FRRS1L: variants seen among roughly 807,000 people sequenced by gnomAD.
FRRS1L encodes the protein DOMON domain-containing protein FRRS1L.
A neutral mutation model predicts 28.6 loss-of-function variants in FRRS1L; 22 were observed. The ratio of observed to expected loss-of-function variants is 0.77; its 90% CI spans 0.55 to 1.10. The LOEUF is 1.10. Among genes scored for constraint, FRRS1L ranks in the 50% least tolerant of loss-of-function variants. The pLI, the probability that FRRS1L is intolerant of heterozygous loss-of-function variation, is 0.00. For missense variants in FRRS1L, 380 were observed against 386.9 expected, an observed-to-expected ratio of 0.98 and a Z score of 0.15; for synonymous variants, 158 against 151.4, an observed-to-expected ratio of 1.04 and a Z score of -0.32.
intron 2 of FRRS1L, chr9:109,147,390 G>C (rs1831277396): frequency 1.1e-5 from 6 of 543,616 alleles, no homozygotes; most frequent in Non-Finnish European, 1.9e-5. Flanking sequence ...CACAAGAACT[G>C]CAGTCCTGAG....
intron 3 of FRRS1L, among the ~76,000 whole-genome samples, chr9:109,144,787 G>T (rs186726167): frequency 6.6e-6 from 1 of 151,388 alleles, no homozygotes; most frequent in African/African-American, 2.4e-5. Flanking sequence ...GGGTTCAAGC[G>T]ATTCTCCCGC....
intron 1 of FRRS1L, among the ~76,000 whole-genome samples, chr9:109,152,383 C>T (rs1000285612): frequency 2.0e-5 from 3 of 151,768 alleles, no homozygotes; most frequent in Non-Finnish European, 4.4e-5. Context: ...CTGCTGACCT[C>T]GTGATCCGCC....
chr9:109,153,209 C>A (rs1245922142), intron 1 of FRRS1L, among the ~76,000 whole-genome samples: 1 of 152,082 alleles, frequency 6.6e-6, no homozygotes, highest in Non-Finnish European at 1.5e-5. Flanking sequence ...AACGGGATGA[C>A]TAAGAATAGA....
intron 1 of FRRS1L, among the ~76,000 whole-genome samples, chr9:109,161,782 C>G (rs1417246550): frequency 6.6e-6 from 1 of 152,126 alleles, no homozygotes; most frequent in Non-Finnish European, 1.5e-5. Context: ...CTGGCCACAC[C>G]ATTCAGTTTC....
rs529070014 is a variant in FRRS1L, at chr9:109,142,728, G to T, written c.463-1139C>A. Among the ~76,000 whole-genome samples, 3 of 152,154 alleles carry T rather than the reference G, an allele frequency of 2.0e-5. No individual in the cohort carries two copies. In the South Asian group the frequency reaches 6.2e-4, roughly 32 times the overall value. On this transcript the variant is annotated intron_variant, in intron 3 of 4. Transcript: ENST00000561981. ...CTCAGGAGGCTGAGGTAGGAGGATC[G>T]CTGGGGAGGTTGAGGCTGCAGTGAG...
At chr9:109,166,675 G>C (rs147905435) in intron 1 of FRRS1L, among the ~76,000 whole-genome samples, 155 of 151,988 alleles carry the variant, frequency 1.0e-3, no homozygotes, top group African/African-American at 3.7e-3. Flanking sequence ...CTCCCCATCT[G>C]TAAAGCGGGC....
chr9:109,160,472 G>A (rs983047003), intron 1 of FRRS1L, among the ~76,000 whole-genome samples: 14 of 22,608 alleles, frequency 6.2e-4, no homozygotes, highest in African/African-American at 1.1e-3. Context: ...GCACAGCCTC[G>A]ACCTCCTAGG....
At chr9:109,164,212 C>T (rs1831515254) in intron 1 of FRRS1L, among the ~76,000 whole-genome samples, 1 of 152,018 alleles carries the variant, frequency 6.6e-6, no homozygotes, top group Admixed American at 6.6e-5. Flanking sequence ...CAACTAGCAC[C>T]CACCGGATGG....
intron 1 of FRRS1L, among the ~76,000 whole-genome samples, chr9:109,162,095 C>G (rs2118512869): frequency 6.6e-6 from 1 of 152,300 alleles, no homozygotes; most frequent in Non-Finnish European, 1.5e-5. Flanking sequence ...GCAGGCAGAT[C>G]TCTTGAGGTC....
At chr9:109,139,032 C>G (rs1831147862) in intron 4 of FRRS1L, 1 of 151,966 alleles carries the variant, frequency 6.6e-6, no homozygotes, top group Non-Finnish European at 1.5e-5. Context: ...CACAGCGTCT[C>G]TACTAAAAAT....
At chr9:109,139,503 T>G (rs895779319) in intron 4 of FRRS1L, 1 of 152,262 alleles carries the variant, frequency 6.6e-6, no homozygotes, top group African/African-American at 2.4e-5. Context: ...ATAGGAAGTA[T>G]TATTATCCCC....
chr9:109,152,813 A>AAAAAAG, intron 1 of FRRS1L, among the ~76,000 whole-genome samples: 1 of 99,724 alleles, frequency 1.0e-5, no homozygotes, highest in South Asian at 2.8e-4. Context: ...CAAAAAAAAA[A>AAAAAAG]AAAAAAAAAA....
Position 109,163,324 on chromosome 9 carries a change from G to A in FRRS1L, c.238+3577C>T, listed in dbSNP as rs112323736. On this transcript the variant is annotated intron_variant, in intron 1 of 4. Transcript: ENST00000561981. ...AACTCCTGACCATAGACAGCAAAGAGGGTCACGGCAGACTGTGTGCTGTGG... is the reference window on the plus strand; with the variant it reads ...AACTCCTGACCATAGACAGCAAAGAAGGTCACGGCAGACTGTGTGCTGTGG... Among the ~76,000 whole-genome samples, 237 of 152,328 alleles carry A rather than the reference G, an allele frequency of 1.6e-3. 1 individual carries two copies. The highest frequency in any genetic ancestry group is 5.4e-3 in the African/African-American group (223 of 41,580).
Position 109,136,361 on chromosome 9 carries a change from C to G in FRRS1L, c.*1094G>C, listed in dbSNP as rs911561758. ...AGTGGTAGAAAAGTTCAAATTCTAA[C>G]TGCTAAGAATTCCCTTTTTTTTTTT... On this transcript the variant is annotated 3_prime_UTR_variant, in exon 5 of 5. Coordinates refer to ENST00000561981, the MANE Select transcript of FRRS1L (RefSeq NM_014334.4). The G allele has an allele frequency of 2.0e-5, 3 of 149,978 alleles. No homozygotes were observed. The East Asian group carries it at 5.8e-4, about 29-fold the overall frequency. 9.3% of individuals were successfully genotyped at this position (149,978 alleles called of 1,614,324 possible).
chr9:109,153,378 A>C (rs56096623), intron 1 of FRRS1L, among the ~76,000 whole-genome samples: 13,016 of 152,146 alleles, frequency 0.086, 650 homozygotes, highest in South Asian at 0.14. Flanking sequence ...AACTCTGGAC[A>C]CTGCGGCCCA....
Position 109,147,170 on chromosome 9 carries a change from T to C in FRRS1L, c.343A>G (p.Asn115Asp). 1 of 1,613,722 alleles carries C rather than the reference T, an allele frequency of 6.2e-7. No homozygotes were observed. Among genetic ancestry groups the C allele is most frequent in the Non-Finnish European group, 8.5e-7 (1 of 1,179,604 alleles). ...GCFRYGKPGC[N>D]AETCDYFLSY... is the part of the protein sequence containing the mutation. ...AGGAAATAGTCACAGGTCTCTGCAT[T>C]ACAGCCTGGTTTGCCATATCTAGAA... Residue 115 changes from asparagine to aspartate, a missense_variant, in exon 3 of 5, where the codon AAT becomes GAT. Physicochemically the swap from Asn to Asp is conservative, Grantham distance 23. Coordinates refer to ENST00000561981, the MANE Select transcript of FRRS1L (RefSeq NM_014334.4).
chr9:109,132,604 T>A lies in FRRS1L; in HGVS notation c.*4851A>T, dbSNP rs1428224023. ...TGTTACTGGCAGTATCCTTTACAAC[T>A]AATCATGATATATTGGTGTGTCCCT... On this transcript the variant is annotated 3_prime_UTR_variant, in exon 5 of 5. Coordinates refer to ENST00000561981, the MANE Select transcript of FRRS1L (RefSeq NM_014334.4). 1 of 152,206 alleles carries A rather than the reference T, an allele frequency of 6.6e-6. No homozygotes were observed. Among genetic ancestry groups the A allele is most frequent in the African/African-American group, 2.4e-5 (1 of 41,448 alleles). The allele number at this position is 152,206 out of a possible 1,614,324, so 9.4% of individuals were successfully genotyped here.
At chr9:109,166,871 C>T in intron 1 of FRRS1L, 30 bp downstream of exon 1, 1 of 1,167,918 alleles carries the variant, frequency 8.6e-7, no homozygotes, top group Non-Finnish European at 1.1e-6. Context: ...GTCTCCCCTC[C>T]CGCAACCCCT....
chr9:109,154,176 T>C (rs188375054), intron 1 of FRRS1L, among the ~76,000 whole-genome samples: 51 of 152,354 alleles, frequency 3.3e-4, no homozygotes, highest in African/African-American at 1.0e-3. Flanking sequence ...TCTCAAAGGA[T>C]GGGTCACAGC....
Sources: gnomAD v4.1 joint callset for allele counts (sites outside exome capture counted in the v4.1 genomes callset) on GRCh38, gnomAD v4.1.1 for gene constraint, MANE v1.5 for transcripts, NCBI Gene and HGNC (gene_info 2026-07-23, HGNC 2026-07-21) for gene names.